PCDH15: variants seen among roughly 807,000 people sequenced by gnomAD.
PCDH15 encodes protocadherin related 15, also known as protocadherin-15.
In PCDH15, 129 loss-of-function variants were observed where a neutral mutation model predicts 178.5. The ratio of observed to expected loss-of-function variants is 0.72; its 90% CI spans 0.63 to 0.84. The LOEUF (loss-of-function observed/expected upper bound fraction) is 0.84. PCDH15 is among the 40% of genes least tolerant of loss of function. PCDH15 has a pLI of 0.00. For missense variants in PCDH15, 2,230 were observed against 2,099.9 expected, an observed-to-expected ratio of 1.06 and a Z score of -1.21; for synonymous variants, 800 against 732.0, an observed-to-expected ratio of 1.09 and a Z score of -1.50.
intron 1 of PCDH15, among the ~76,000 whole-genome samples, chr10:55,168,475 T>G (rs1285419303): frequency 6.6e-6 from 1 of 152,176 alleles, no homozygotes; most frequent in Non-Finnish European, 1.5e-5. Flanking sequence ...GGACATTAGC[T>G]CTGAGTGTAG....
chr10:55,415,495 C>T (rs1366124018), intron 2 of PCDH15, among the ~76,000 whole-genome samples: 1 of 151,648 alleles, frequency 6.6e-6, no homozygotes, highest in Non-Finnish European at 1.5e-5. Flanking sequence ...CAATTGGACA[C>T]CTTTCTCCAT....
At chr10:55,063,714 C>T (rs1298988616) in intron 2 of PCDH15, among the ~76,000 whole-genome samples, 1 of 152,078 alleles carries the variant, frequency 6.6e-6, no homozygotes, top group Non-Finnish European at 1.5e-5. Context: ...TAACAGTATT[C>T]AAATCAACCT....
chr10:54,927,354 T>C (rs557267179), intron 2 of PCDH15, among the ~76,000 whole-genome samples: 1 of 152,240 alleles, frequency 6.6e-6, no homozygotes, highest in Non-Finnish European at 1.5e-5. Flanking sequence ...TTGTGTCCAA[T>C]TATGCAATCA....
intron 2 of PCDH15, among the ~76,000 whole-genome samples, chr10:55,069,213 T>C (rs1277115082): frequency 6.6e-5 from 10 of 151,770 alleles, no homozygotes; most frequent in African/African-American, 2.4e-4. Flanking sequence ...TATTATCTTT[T>C]TGATGTTCTG....
In PCDH15 at chr10:55,075,520, C is replaced by T. The variant is rs146956003; in HGVS notation, c.-80+91056G>A. On this transcript the variant is annotated intron_variant, in intron 2 of 5. Coordinates refer to the PCDH15 transcript ENST00000458638. ...AGCTGGGATTACAGGCATGTGCCAC[C>T]GTGTCCAGCTAATTTTTGTATTTTA... is the stretch of plus-strand genomic sequence containing the variant. 9.0e-3 allele frequency among the ~76,000 whole-genome samples: 1,362 copies of T among 151,836 alleles called. 22 individuals are homozygous for T. Among genetic ancestry groups the T allele is most frequent in the African/African-American group, 0.029 (1,211 of 41,408 alleles).
At chr10:54,779,717 G>A (rs1393991028) in intron 1 of PCDH15, among the ~76,000 whole-genome samples, 1 of 151,422 alleles carries the variant, frequency 6.6e-6, no homozygotes, top group African/African-American at 2.4e-5. Flanking sequence ...TGAACTGTGA[G>A]TACAATGACA....
rs565846617 is a variant in PCDH15 at position 55,154,993 on chromosome 10, C to A, written c.-80+11583G>T. Reference sequence around the variant, plus strand: ...TTAACAGCCTCCTGCTATAAAGCAACTATTTTTAGTTCTTGCAACCATCAC... The same window carrying A: ...TTAACAGCCTCCTGCTATAAAGCAAATATTTTTAGTTCTTGCAACCATCAC... On this transcript the variant is annotated intron_variant, in intron 2 of 5. Coordinates refer to the PCDH15 transcript ENST00000458638. 1.2e-3 allele frequency among the ~76,000 whole-genome samples: 187 copies of A among 152,212 alleles called. 1 individual carries two copies. In the Middle Eastern group the frequency reaches 0.02, roughly 17 times the overall value.
At chr10:54,880,649 G>A (rs1954245905) in intron 3 of PCDH15, among the ~76,000 whole-genome samples, 1 of 151,396 alleles carries the variant, frequency 6.6e-6, no homozygotes, top group African/African-American at 2.4e-5. Flanking sequence ...TAGTTGGAAT[G>A]AAAACTGACT....
At chr10:55,395,204 A>T (rs201900532) in intron 2 of PCDH15, among the ~76,000 whole-genome samples, 15,309 of 86,228 alleles carry the variant, frequency 0.18, 786 homozygotes, top group African/African-American at 0.23. Context: ...TGTGAGAGAG[A>T]GAGAGAGAGA....
At chr10:54,926,929 T>A (rs891290872) in intron 2 of PCDH15, among the ~76,000 whole-genome samples, 2 of 151,944 alleles carry the variant, frequency 1.3e-5, no homozygotes, top group African/African-American at 4.8e-5. Flanking sequence ...TTTTTAAAAT[T>A]TTTTTTTAAT....
intron 21 of PCDH15, among the ~76,000 whole-genome samples, chr10:53,987,320 A>T (rs1166745991): frequency 1.3e-5 from 2 of 152,238 alleles, no homozygotes; most frequent in East Asian, 3.9e-4. Context: ...TAAGCAAAAA[A>T]AAAGTGTCAT....
At chr10:55,274,821 G>A (rs142295120) in intron 1 of PCDH15, among the ~76,000 whole-genome samples, 5 of 152,110 alleles carry the variant, frequency 3.3e-5, no homozygotes, top group Non-Finnish European at 5.9e-5. Context: ...CATAAGGAGC[G>A]TGACCTAGAT....
At chr10:55,013,332 T>G (rs1002946423) in intron 2 of PCDH15, among the ~76,000 whole-genome samples, 1 of 150,202 alleles carries the variant, frequency 6.7e-6, no homozygotes, top group East Asian at 2.0e-4. Flanking sequence ...TGTGGATATG[T>G]GTTGCCAATT....
At chr10:55,107,910 C>T (rs1157913009) in intron 2 of PCDH15, among the ~76,000 whole-genome samples, 1 of 152,150 alleles carries the variant, frequency 6.6e-6, no homozygotes, top group East Asian at 1.9e-4. Context: ...ACTGACTATA[C>T]TTCCCTGCCA....
chr10:54,305,514 T>G (rs2060411328), intron 8 of PCDH15, among the ~76,000 whole-genome samples: 1 of 152,062 alleles, frequency 6.6e-6, no homozygotes, highest in Non-Finnish European at 1.5e-5. Flanking sequence ...TAAATATTAA[T>G]TGAGCATTTT....
At chr10:54,588,912 C>G (rs2091691838) in intron 2 of PCDH15, among the ~76,000 whole-genome samples, 1 of 152,040 alleles carries the variant, frequency 6.6e-6, no homozygotes, top group Non-Finnish European at 1.5e-5. Context: ...AGAATGGCTG[C>G]TAGCTAGTGG....
intron 3 of PCDH15, among the ~76,000 whole-genome samples, chr10:54,485,013 C>T (rs563615831): frequency 6.6e-6 from 1 of 151,962 alleles, no homozygotes; most frequent in South Asian, 2.1e-4. Flanking sequence ...AGAGTGAGAA[C>T]TCTTTGTGTG....
intron 2 of PCDH15, among the ~76,000 whole-genome samples, chr10:55,405,283 G>GATATATATTTATATATATATATATATAT (rs1838169919): frequency 9.3e-6 from 1 of 108,086 alleles, no homozygotes; most frequent in Admixed American, 9.4e-5. Flanking sequence ...TGAGGTAACA[G>GATATATATTTATATATATATATATATAT]ATATATATAT....
intron 3 of PCDH15, among the ~76,000 whole-genome samples, chr10:54,430,267 G>A (rs1956810170): frequency 1.3e-5 from 2 of 149,712 alleles, no homozygotes; most frequent in South Asian, 4.2e-4. Context: ...TGTTGGTCAG[G>A]TGGTCTTGAA....
Sources: gnomAD v4.1 joint callset for allele counts (sites outside exome capture counted in the v4.1 genomes callset) on GRCh38, gnomAD v4.1.1 for gene constraint, MANE v1.5 for transcripts, NCBI Gene and HGNC (gene_info 2026-07-23, HGNC 2026-07-21) for gene names.